The following ARSJ variants were observed in gnomAD, a reference collection of about 807,000 sequenced individuals.
ARSJ encodes the protein arylsulfatase J.
Under a neutral mutation model 35.9 loss-of-function variants are expected in ARSJ, and 26 were observed. The observed-to-expected ratio is 0.72, with a 90% CI of 0.53 to 1.00. The LOEUF (loss-of-function observed/expected upper bound fraction) is 1.00, where lower values mean the gene tolerates loss of function less well. Among genes scored for constraint, ARSJ ranks in the 50% least tolerant of loss-of-function variants. The probability of loss-of-function intolerance (pLI) is 0.00; values close to 1 mark genes in which losing one functional copy is unlikely to be tolerated. For missense variants in ARSJ, 667 were observed against 723.6 expected (o/e 0.92, Z 0.90); for synonymous variants, 294 against 267.6 (o/e 1.10, Z -0.96).
At chr4:113,932,363 T>C (rs974769618) in intron 1 of ARSJ, among the ~76,000 whole-genome samples, 3 of 152,070 alleles carry the variant, frequency 2.0e-5, no homozygotes, top group African/African-American at 4.8e-5. Context: ...ATTAGACTAA[T>C]AGCCCTAACT....
At position 113,978,923 on chromosome 4, in the gene ARSJ, A is replaced by C; in HGVS notation, c.-89T>G. 1.5e-6 allele frequency: 2 copies of C among 1,374,216 alleles called. No individual in the cohort carries two copies. The highest frequency in any genetic ancestry group is 2.0e-6 in the Non-Finnish European group (2 of 1,016,648). 85.1% of individuals were successfully genotyped at this position (1,374,216 alleles called of 1,614,324 possible). On this transcript the variant is annotated 5_prime_UTR_variant, in exon 1 of 2. Coordinates refer to ENST00000315366, the MANE Select transcript of ARSJ (RefSeq NM_024590.4). ...CACATGCACCCAACAGACGGTGAAG[A>C]CTCTCCACCTGGCAAGAAATCCTCC...
intron 1 of ARSJ, among the ~76,000 whole-genome samples, chr4:113,957,996 C>G (rs935726194): frequency 8.6e-5 from 13 of 152,046 alleles, no homozygotes; most frequent in African/African-American, 3.1e-4. Flanking sequence ...GTGACATAAA[C>G]AAGTGCAGCA....
intron 1 of ARSJ, among the ~76,000 whole-genome samples, chr4:113,938,089 A>G (rs926192337): frequency 6.6e-6 from 1 of 152,108 alleles, no homozygotes; most frequent in African/African-American, 2.4e-5. Flanking sequence ...GAATAATCCT[A>G]AGTAAAAAGA....
intron 1 of ARSJ, among the ~76,000 whole-genome samples, chr4:113,920,521 G>C (rs561257582): frequency 2.4e-4 from 37 of 152,252 alleles, no homozygotes; most frequent in African/African-American, 7.5e-4. Flanking sequence ...TGAAATTAGG[G>C]AGCTTCAAGG....
intron 1 of ARSJ, among the ~76,000 whole-genome samples, chr4:113,913,094 G>A (rs1723043060): frequency 1.4e-5 from 1 of 73,040 alleles, no homozygotes; most frequent in Non-Finnish European, 3.6e-5. Flanking sequence ...GATGGAATCA[G>A]CTAAATAAAT....
At chr4:113,971,769 T>C (rs767252973) in intron 1 of ARSJ, among the ~76,000 whole-genome samples, 4 of 152,234 alleles carry the variant, frequency 2.6e-5, no homozygotes, top group Admixed American at 6.5e-5. Flanking sequence ...ATATAACTAA[T>C]GTAATTTATA....
chr4:113,908,766 A>C (rs1214975090), intron 1 of ARSJ, among the ~76,000 whole-genome samples: 1 of 152,214 alleles, frequency 6.6e-6, no homozygotes, highest in Non-Finnish European at 1.5e-5. Flanking sequence ...CTTACACAGA[A>C]TAGAAATTAA....
intron 1 of ARSJ, among the ~76,000 whole-genome samples, chr4:113,926,073 G>A (rs890413976): frequency 6.6e-5 from 10 of 152,116 alleles, no homozygotes; most frequent in Non-Finnish European, 8.8e-5. Flanking sequence ...TCTACAGAAT[G>A]GGCCATCCTA....
intron 1 of ARSJ, among the ~76,000 whole-genome samples, chr4:113,904,577 C>G (rs887423232): frequency 6.6e-6 from 1 of 152,184 alleles, no homozygotes; most frequent in African/African-American, 2.4e-5. Context: ...CTCCGCCTCC[C>G]GGGTTCACGC....
chr4:113,959,554 T>A (rs1434515840), intron 1 of ARSJ, among the ~76,000 whole-genome samples: 9 of 152,098 alleles, frequency 5.9e-5, no homozygotes, highest in Admixed American at 5.9e-4. Flanking sequence ...TGTTTTCATG[T>A]CTTATCTTTT....
intron 1 of ARSJ, among the ~76,000 whole-genome samples, chr4:113,966,998 T>A (rs1361795712): frequency 6.6e-6 from 1 of 152,166 alleles, no homozygotes; most frequent in Non-Finnish European, 1.5e-5. Flanking sequence ...GACAATGACC[T>A]AGTGATTATT....
At chr4:113,924,057 A>AAT (rs1723869474) in intron 1 of ARSJ, among the ~76,000 whole-genome samples, 1 of 91,316 alleles carries the variant, frequency 1.1e-5, no homozygotes. Flanking sequence ...ATATATATAA[A>AAT]TATATATAAA....
At chr4:113,921,976 C>A (rs1594414740) in intron 1 of ARSJ, among the ~76,000 whole-genome samples, 4 of 152,234 alleles carry the variant, frequency 2.6e-5, no homozygotes. Flanking sequence ...TAACAGCCAT[C>A]ATGCTTGGAC....
At chr4:113,957,283 T>G (rs1201606709) in intron 1 of ARSJ, among the ~76,000 whole-genome samples, 1 of 152,090 alleles carries the variant, frequency 6.6e-6, no homozygotes, top group Non-Finnish European at 1.5e-5. Flanking sequence ...TCCACCATTT[T>G]ATTTAAATAT....
intron 1 of ARSJ, among the ~76,000 whole-genome samples, chr4:113,963,029 C>T (rs181693474): frequency 8.5e-5 from 13 of 152,144 alleles, no homozygotes; most frequent in Admixed American, 3.3e-4. Context: ...CTACATACAA[C>T]GATCCCTTCC....
chr4:113,954,482 C>T (rs768536872), intron 1 of ARSJ, among the ~76,000 whole-genome samples: 3 of 151,956 alleles, frequency 2.0e-5, no homozygotes, highest in Admixed American at 6.6e-5. Flanking sequence ...TTAAATTCTG[C>T]CTCAATCCAA....
At chr4:113,951,454 G>T (rs1404345289) in intron 1 of ARSJ, among the ~76,000 whole-genome samples, 1 of 152,006 alleles carries the variant, frequency 6.6e-6, no homozygotes. Flanking sequence ...ATGTGGTCTG[G>T]ACAGTGTAAA....
chr4:113,938,798 G>T (rs1056296658), intron 1 of ARSJ, among the ~76,000 whole-genome samples: 3 of 151,898 alleles, frequency 2.0e-5, no homozygotes, highest in African/African-American at 7.3e-5. Context: ...CATTTATGTG[G>T]CCAAGAACCA....
At chr4:113,920,534 GT>G (rs936691317) in intron 1 of ARSJ, among the ~76,000 whole-genome samples, 5 of 152,078 alleles carry the variant, frequency 3.3e-5, no homozygotes, top group African/African-American at 1.2e-4. Context: ...CTTCAAGGGG[GT>G]TTCAGTTCTA....
Sources: allele counts gnomAD v4.1 joint callset (sites outside exome capture counted in the v4.1 genomes callset), GRCh38; gene constraint gnomAD v4.1.1; transcripts MANE v1.5; gene names NCBI Gene and HGNC (gene_info 2026-07-23, HGNC 2026-07-21).